The following EYS variants were observed in gnomAD, a reference collection of about 807,000 sequenced individuals.
The protein encoded by EYS is EGF-like photoreceptor maintenance factor.
EYS carries 250 observed loss-of-function variants against 282.1 expected under a neutral mutation model. The observed-to-expected ratio is 0.89, with a 90% confidence interval of 0.80 to 0.98. The LOEUF (loss-of-function observed/expected upper bound fraction) is 0.98, where lower values mean the gene tolerates loss of function less well. EYS is among the 50% of genes least tolerant of loss of function. The probability of loss-of-function intolerance (pLI) is 0.00; values close to 1 mark genes in which losing one functional copy is unlikely to be tolerated. For synonymous variants in EYS, 1,355 were observed against 1,282.9 expected (o/e 1.06, Z -1.20); for missense variants, 4,016 against 3,709.0 (o/e 1.08, Z -2.15).
At chr6:65,345,427 T>G (rs1342028821) in intron 9 of EYS, among the ~76,000 whole-genome samples, 1 of 151,834 alleles carries the variant, frequency 6.6e-6, no homozygotes, top group African/African-American at 2.4e-5. Context: ...TCTGTGTTTT[T>G]GTGCAAATTT....
chr6:64,782,408 G>A (rs1237600496), intron 22 of EYS, among the ~76,000 whole-genome samples: 1 of 152,100 alleles, frequency 6.6e-6, no homozygotes, highest in Non-Finnish European at 1.5e-5. Context: ...AAATTTTCAT[G>A]AATATTAATT....
At chr6:63,806,546 C>T (rs910848514) in intron 36 of EYS, among the ~76,000 whole-genome samples, 174 bp from the exon 37 acceptor site, 2 of 152,100 alleles carry the variant, frequency 1.3e-5, no homozygotes, top group Non-Finnish European at 2.9e-5. Context: ...ATTTCAAAAC[C>T]AGAACAAAGG....
intron 31 of EYS, among the ~76,000 whole-genome samples, chr6:64,148,321 C>A (rs1774589156): frequency 6.6e-6 from 1 of 151,882 alleles, no homozygotes; most frequent in Non-Finnish European, 1.5e-5. Flanking sequence ...ATTAGACATT[C>A]TTGTTGACCT....
chr6:63,740,095 G>A (rs972934726), intron 41 of EYS, among the ~76,000 whole-genome samples: 3 of 152,098 alleles, frequency 2.0e-5, no homozygotes, highest in Admixed American at 1.3e-4. Flanking sequence ...TGTGTATAAC[G>A]AAGTGTAGTC....
At chr6:64,379,589 A>G (rs556574734) in intron 29 of EYS, 2 of 152,246 alleles carry the variant, frequency 1.3e-5, no homozygotes, top group East Asian at 3.9e-4. Context: ...GTTAGTTTTA[A>G]AATGAAAAGC....
At chr6:64,183,934 T>A (rs1159754891) in intron 31 of EYS, among the ~76,000 whole-genome samples, 1 of 152,166 alleles carries the variant, frequency 6.6e-6, no homozygotes, top group Non-Finnish European at 1.5e-5. Flanking sequence ...GTAACGCAAT[T>A]TTAAATTTCA....
At chr6:64,184,897 G>T (rs905836408) in intron 31 of EYS, among the ~76,000 whole-genome samples, 2 of 149,720 alleles carry the variant, frequency 1.3e-5, no homozygotes, top group Non-Finnish European at 2.9e-5. Context: ...TGGTCTGAAT[G>T]TTTTTTTTCT....
intron 35 of EYS, among the ~76,000 whole-genome samples, chr6:63,899,854 T>C (rs1328026412): frequency 6.6e-6 from 1 of 152,210 alleles, no homozygotes; most frequent in Non-Finnish European, 1.5e-5. Context: ...TGATGAATGT[T>C]TGTTGAATAA....
chr6:64,666,188 G>A (rs1468029834), intron 22 of EYS, among the ~76,000 whole-genome samples: 1 of 152,118 alleles, frequency 6.6e-6, no homozygotes, highest in Non-Finnish European at 1.5e-5. Context: ...GCAAATCACT[G>A]TGATGTGAAT....
In EYS at chr6:64,442,044, C is replaced by A. The variant is rs141322300; in HGVS notation, c.5645-2692G>T. Among the ~76,000 whole-genome samples the A allele has an allele frequency of 2.7e-3, 404 of 152,200 alleles. 8 individuals are homozygous for A. In the East Asian group the frequency reaches 0.045, roughly 17 times the overall value. On this transcript the variant is annotated intron_variant, in intron 26 of 42. Coordinates refer to ENST00000503581, the MANE Select transcript of EYS (RefSeq NM_001142800.2). ...ACAGTTTGGAGGGCTCAGAAGAAGA[C>A]AGGAAAATGTGGGAAAGTTTGGAAT...
rs112388321 is a variant in EYS, at chr6:64,085,340, G to GCGCACACACACACACACACACACACACA, written c.6425-3339_6425-3338insTGTGTGTGTGTGTGTGTGTGTGTGTGCG. On this transcript the variant is annotated intron_variant, in intron 31 of 42. Coordinates refer to ENST00000503581, the MANE Select transcript of EYS (RefSeq NM_001142800.2). ...CGCGCGCGCGTGCGCACGTGCGCGC[G>GCGCACACACACACACACACACACACACA]CACACACACACACACACACACACAC... 2.3e-3 allele frequency among the ~76,000 whole-genome samples: 323 copies of GCGCACACACACACACACACACACACACA among 139,850 alleles called. 1 individual carries two copies. The highest frequency in any genetic ancestry group is 7.1e-3 in the African/African-American group (254 of 35,728). 91.7% of individuals were successfully genotyped at this position (139,850 alleles called of 152,430 possible).
chr6:64,325,599 G>A (rs761350236), intron 29 of EYS, among the ~76,000 whole-genome samples: 6 of 152,164 alleles, frequency 3.9e-5, no homozygotes, highest in Non-Finnish European at 7.3e-5. Flanking sequence ...AATTCAGGAG[G>A]TAAGTTATTA....
At chr6:64,403,127 A>G (rs1166522667) in intron 28 of EYS, among the ~76,000 whole-genome samples, 2 of 152,140 alleles carry the variant, frequency 1.3e-5, no homozygotes, top group Non-Finnish European at 2.9e-5. Context: ...TATCGTTATC[A>G]TTATAAGCAA....
At chr6:64,732,760 C>T (rs1232875245) in intron 22 of EYS, among the ~76,000 whole-genome samples, 2 of 151,990 alleles carry the variant, frequency 1.3e-5, no homozygotes, top group Non-Finnish European at 2.9e-5. Flanking sequence ...AAAAAGAGTA[C>T]AGTCTTGCCA....
chr6:65,610,194 G>A (rs1370264274), intron 2 of EYS, among the ~76,000 whole-genome samples: 9 of 151,986 alleles, frequency 5.9e-5, no homozygotes, highest in African/African-American at 2.2e-4. Flanking sequence ...AATATGAGCT[G>A]CCATGCCCGG....
At chr6:64,784,125 A>G (rs1432605016) in intron 22 of EYS, among the ~76,000 whole-genome samples, 6 of 151,986 alleles carry the variant, frequency 3.9e-5, no homozygotes, top group African/African-American at 1.2e-4. Flanking sequence ...ATAATTCTCA[A>G]TATTATTTGT....
intron 12 of EYS, among the ~76,000 whole-genome samples, chr6:65,162,074 G>T (rs1561997715): frequency 6.6e-6 from 1 of 151,166 alleles, no homozygotes; most frequent in Non-Finnish European, 1.5e-5. Flanking sequence ...CACAGTTACA[G>T]AAAAAAGTAG....
intron 35 of EYS, among the ~76,000 whole-genome samples, chr6:63,867,986 T>C (rs1772709008): frequency 6.6e-6 from 1 of 152,188 alleles, no homozygotes; most frequent in Non-Finnish European, 1.5e-5. Context: ...TTACAGGATA[T>C]TATAATTTTA....
chr6:64,272,735 A>C (rs1767984521), intron 30 of EYS, among the ~76,000 whole-genome samples: 1 of 152,102 alleles, frequency 6.6e-6, no homozygotes, highest in Non-Finnish European at 1.5e-5. Context: ...TGTACAAGTA[A>C]AGTAGGGTAG....
Sources: allele counts gnomAD v4.1 joint callset (sites outside exome capture counted in the v4.1 genomes callset), GRCh38; gene constraint gnomAD v4.1.1; transcripts MANE v1.5; gene names NCBI Gene and HGNC (gene_info 2026-07-23, HGNC 2026-07-21).